PARVA: variants seen among roughly 807,000 people sequenced by gnomAD.
PARVA encodes the protein parvin alpha.
In PARVA, 25 loss-of-function variants were observed where a neutral mutation model predicts 52.6. The observed-to-expected ratio is 0.48, with a 90% CI of 0.35 to 0.66. The LOEUF is 0.66. Among genes scored for constraint, PARVA ranks in the 30% least tolerant of loss-of-function variants. PARVA has a pLI of 0.01. For missense variants in PARVA, 373 were observed against 450.9 expected (o/e 0.83, Z 1.56); for synonymous variants, 185 against 179.1 (o/e 1.03, Z -0.26).
chr11:12,469,571 C>T (rs1372880494), intron 1 of PARVA, among the ~76,000 whole-genome samples: 1 of 152,148 alleles, frequency 6.6e-6, no homozygotes, highest in Non-Finnish European at 1.5e-5. Flanking sequence ...ATGAAACCTC[C>T]AAAGCAGGAG....
At chr11:12,469,351 C>A (rs1940899706) in intron 1 of PARVA, among the ~76,000 whole-genome samples, 1 of 152,164 alleles carries the variant, frequency 6.6e-6, no homozygotes, top group Non-Finnish European at 1.5e-5. Context: ...CCTACCCCGA[C>A]CTTCAGCTGG....
chr11:12,397,929 A>T (rs1939773102), intron 1 of PARVA, among the ~76,000 whole-genome samples: 1 of 151,744 alleles, frequency 6.6e-6, no homozygotes. Flanking sequence ...ATGGAAGAGC[A>T]TCCACACGCA....
chr11:12,519,278 G>A (rs1231733605), intron 12 of PARVA, among the ~76,000 whole-genome samples: 4 of 152,164 alleles, frequency 2.6e-5, no homozygotes, highest in African/African-American at 9.7e-5. Flanking sequence ...AAGTGGATGA[G>A]TAGGAATGGT....
chr11:12,383,192 T>A (rs944140135), intron 1 of PARVA, among the ~76,000 whole-genome samples: 3 of 152,240 alleles, frequency 2.0e-5, no homozygotes, highest in Non-Finnish European at 4.4e-5. Flanking sequence ...TCTTCTTCTT[T>A]TGGGTTTTCA....
chr11:12,400,092 A>AACAT (rs1393032970), intron 1 of PARVA, among the ~76,000 whole-genome samples: 1 of 152,212 alleles, frequency 6.6e-6, no homozygotes, highest in Middle Eastern at 3.2e-3. Context: ...TAAAAATTAA[A>AACAT]ACATAAATAA....
chr11:12,376,740 C>G (rs1331857190), upstream of PARVA: 2 of 984,032 alleles, frequency 2.0e-6, no homozygotes, highest in Non-Finnish European at 1.2e-6. Flanking sequence ...GATGGGTAAG[C>G]TCAATAACAC....
chr11:12,471,395 T>C (rs1443221047), intron 1 of PARVA, among the ~76,000 whole-genome samples: 1 of 152,174 alleles, frequency 6.6e-6, no homozygotes, highest in South Asian at 2.1e-4. Context: ...TAACTTTAAG[T>C]TCAGGGGTAC....
At chr11:12,388,154 A>AC (rs1427514149) in intron 1 of PARVA, among the ~76,000 whole-genome samples, 3 of 152,170 alleles carry the variant, frequency 2.0e-5, no homozygotes, top group Non-Finnish European at 4.4e-5. Flanking sequence ...GACAGAACTC[A>AC]CCAAGAGGAG....
intron 1 of PARVA, among the ~76,000 whole-genome samples, chr11:12,470,037 C>T (rs1214406849): frequency 6.6e-6 from 1 of 152,234 alleles, no homozygotes; most frequent in Non-Finnish European, 1.5e-5. Context: ...CTTTACTTAC[C>T]TTATAAAATG....
At chr11:12,520,863 G>T (rs942536969) in intron 12 of PARVA, among the ~76,000 whole-genome samples, 3 of 152,118 alleles carry the variant, frequency 2.0e-5, no homozygotes, top group African/African-American at 7.2e-5. Flanking sequence ...GAGGTGGAAG[G>T]GATCGCTTGA....
chr11:12,457,994 T>A (rs1940720889), intron 1 of PARVA, among the ~76,000 whole-genome samples: 1 of 152,198 alleles, frequency 6.6e-6, no homozygotes, highest in Admixed American at 6.5e-5. Flanking sequence ...CATGTGTGAC[T>A]GTGAGCTCCT....
chr11:12,528,366 TCC>T lies in PARVA; in HGVS notation c.*444_*445del, dbSNP rs747118965. ...ACTCCCATTGACGTAGGTGTTTCAT[TCC>T]CCTTTTACAGATGAGGAAACTAAGG... is the stretch of plus-strand genomic sequence containing the variant. On this transcript the variant is annotated 3_prime_UTR_variant, in exon 13 of 13. Transcript: ENST00000334956. 75 of 161,662 alleles carry T rather than the reference TCC, an allele frequency of 4.6e-4. No individual in the cohort carries two copies. The highest frequency in any genetic ancestry group is 8.9e-4 in the Non-Finnish European group (66 of 73,760). The allele number at this position is 161,662 out of a possible 1,614,324, so 10.0% of individuals were successfully genotyped here. A position where few individuals can be genotyped will look rare whatever the true frequency, so the allele number is the denominator to read the frequency against.
intron 11 of PARVA, 37 bp from the exon 12 acceptor site, chr11:12,518,408 G>A (rs774089891): frequency 2.2e-5 from 34 of 1,542,940 alleles, no homozygotes; most frequent in Non-Finnish European, 2.7e-5. Context: ...GCTCCTGGGT[G>A]TGCAATGGTA....
intron 6 of PARVA, among the ~76,000 whole-genome samples, chr11:12,507,989 T>C (rs12271492): frequency 0.36 from 53,965 of 149,624 alleles, 10,995 homozygotes; most frequent in Non-Finnish European, 0.47. Flanking sequence ...GATGGATGGA[T>C]GGACGGACGG....
chr11:12,427,969 T>C (rs1940261807), intron 1 of PARVA, among the ~76,000 whole-genome samples: 1 of 152,206 alleles, frequency 6.6e-6, no homozygotes, highest in South Asian at 2.1e-4. Context: ...GGAGGGCAGC[T>C]GACATTGCCC....
intron 1 of PARVA, among the ~76,000 whole-genome samples, 156 bp downstream of exon 1, chr11:12,377,939 GC>G: frequency 6.7e-6 from 1 of 148,376 alleles, no homozygotes; most frequent in Middle Eastern, 3.4e-3. Flanking sequence ...GGTACGTCGG[GC>G]AGGAGCGACG....
chr11:12,482,236 CCCAGAACCTAGAG>C (rs1941098032), intron 4 of PARVA, among the ~76,000 whole-genome samples: 1 of 151,302 alleles, frequency 6.6e-6, no homozygotes, highest in South Asian at 2.1e-4. Context: ...GGAGCAAAGA[CCCAGAACCTAGAG>C]GCAGAAGTGT....
At chr11:12,494,626 A>G (rs1190646271) in intron 4 of PARVA, among the ~76,000 whole-genome samples, 1 of 152,098 alleles carries the variant, frequency 6.6e-6, no homozygotes, top group Non-Finnish European at 1.5e-5. Flanking sequence ...AGGAGGCAAG[A>G]TGTATATTTC....
intron 12 of PARVA, among the ~76,000 whole-genome samples, chr11:12,523,674 C>G (rs1941666305): frequency 6.6e-6 from 1 of 152,170 alleles, no homozygotes; most frequent in South Asian, 2.1e-4. Flanking sequence ...TGTTTTATCT[C>G]TAGAGCCACC....
Sources: gnomAD v4.1 joint callset for allele counts (sites outside exome capture counted in the v4.1 genomes callset) on GRCh38, gnomAD v4.1.1 for gene constraint, MANE v1.5 for transcripts, NCBI Gene and HGNC (gene_info 2026-07-23, HGNC 2026-07-21) for gene names.